Variants in TASP1 observed in about 807,000 individuals in gnomAD.
The protein encoded by TASP1 is taspase 1, also known as threonine aspartase 1.
TASP1 carries 16 observed loss-of-function variants against 56.6 expected under a neutral mutation model. The ratio of observed to expected loss-of-function variants is 0.28; its 90% CI spans 0.19 to 0.43. TASP1 has a LOEUF of 0.43. Ranked by LOEUF, TASP1 falls within the 20% of genes least tolerant of loss-of-function variation. The pLI is 1.00. For synonymous variants in TASP1, 179 were observed against 184.2 expected (o/e 0.97, Z 0.23); for missense variants, 393 against 511.6 (o/e 0.77, Z 2.24).
At chr20:13,558,560 C>A (rs918310045) in intron 8 of TASP1, among the ~76,000 whole-genome samples, 8 of 151,542 alleles carry the variant, frequency 5.3e-5, no homozygotes, top group Non-Finnish European at 8.8e-5. Context: ...TTTAAGTATA[C>A]CTGTAATAAC....
At chr20:13,160,878 A>G in the TASP1 span, among the ~76,000 whole-genome samples, 1 of 152,216 alleles carries the variant, frequency 6.6e-6, no homozygotes, top group African/African-American at 2.4e-5. Flanking sequence ...ATTAGAGTGG[A>G]GAAGATTCAC....
chr20:13,178,752 G>A, the TASP1 span, among the ~76,000 whole-genome samples: 106 of 151,842 alleles, frequency 7.0e-4, 1 homozygote, highest in South Asian at 2.1e-3. Context: ...CCAGAGGCTT[G>A]TAAAGGTAGG....
chr20:13,604,987 C>CATATATATATATATAT (rs3042652), intron 4 of TASP1, among the ~76,000 whole-genome samples: 7 of 140,494 alleles, frequency 5.0e-5, no homozygotes, highest in African/African-American at 1.3e-4. Context: ...AGACATAATA[C>CATATATATATATATAT]ATATATATAT....
the TASP1 span, among the ~76,000 whole-genome samples, chr20:13,186,611 A>T: frequency 1.3e-5 from 2 of 152,208 alleles, no homozygotes; most frequent in South Asian, 4.1e-4. Flanking sequence ...ACCTTATACC[A>T]AGAGAGCTCC....
the TASP1 span, among the ~76,000 whole-genome samples, chr20:13,344,911 C>T: frequency 6.6e-6 from 1 of 152,286 alleles, no homozygotes; most frequent in Middle Eastern, 3.4e-3. Flanking sequence ...GCTTGAAGCA[C>T]ATCGAAGGCC....
At chr20:13,145,038 G>A in the TASP1 span, among the ~76,000 whole-genome samples, 3 of 152,046 alleles carry the variant, frequency 2.0e-5, no homozygotes, top group African/African-American at 7.3e-5. Context: ...GCCTCCCAAA[G>A]TGCTGGGATT....
chr20:13,402,562 T>C (rs2041776954), intron 13 of TASP1, among the ~76,000 whole-genome samples: 1 of 152,230 alleles, frequency 6.6e-6, no homozygotes, highest in Admixed American at 6.5e-5. Flanking sequence ...ATAGGTTTAT[T>C]GGTGGCGCCT....
the TASP1 span, among the ~76,000 whole-genome samples, chr20:13,193,113 C>G: frequency 6.6e-6 from 1 of 151,824 alleles, no homozygotes; most frequent in African/African-American, 2.4e-5. Context: ...AATTAATATG[C>G]TAAGTGGGGA....
chr20:13,261,612 T>C, the TASP1 span, among the ~76,000 whole-genome samples: 1 of 152,130 alleles, frequency 6.6e-6, no homozygotes, highest in African/African-American at 2.4e-5. Context: ...ACCCAGACCT[T>C]GAAACTCCTG....
intron 4 of TASP1, among the ~76,000 whole-genome samples, chr20:13,606,127 G>C (rs2048140319): frequency 1.0e-5 from 1 of 97,434 alleles, no homozygotes; most frequent in Non-Finnish European, 1.9e-5. Context: ...GACTGCATGT[G>C]TGTGCGTGCG....
Position 13,535,226 on chromosome 20 carries a change from G to C in TASP1, c.676-1085C>G, listed in dbSNP as rs117148341. On this transcript the variant is annotated intron_variant, in intron 8 of 13. Coordinates refer to ENST00000337743, the MANE Select transcript of TASP1 (RefSeq NM_017714.3). ...ACACACTAAAGCCATCACCAGAAAAGTCAATGAGCTCCCGGGCCCATCTCA... is the reference window on the plus strand; with the variant it reads ...ACACACTAAAGCCATCACCAGAAAACTCAATGAGCTCCCGGGCCCATCTCA... Among the ~76,000 whole-genome samples the C allele has an allele frequency of 3.2e-3, 493 of 152,272 alleles. 2 individuals carry two copies. The highest frequency in any genetic ancestry group is 0.012 in the East Asian group (60 of 5,180).
At chr20:13,621,251 C>CT (rs2048705102) in intron 4 of TASP1, among the ~76,000 whole-genome samples, 1 of 151,788 alleles carries the variant, frequency 6.6e-6, no homozygotes. Flanking sequence ...TGGTGAAACC[C>CT]TGTCTCTACT....
chr20:13,210,096 A>T, the TASP1 span, among the ~76,000 whole-genome samples: 1 of 152,200 alleles, frequency 6.6e-6, no homozygotes, highest in African/African-American at 2.4e-5. Context: ...ATGATACAGA[A>T]TGTATTGTTT....
At chr20:13,263,868 A>G in the TASP1 span, among the ~76,000 whole-genome samples, 1 of 152,258 alleles carries the variant, frequency 6.6e-6, no homozygotes, top group African/African-American at 2.4e-5. Context: ...AGTGACATTA[A>G]TTATAATCTC....
intron 1 of TASP1, among the ~76,000 whole-genome samples, chr20:13,630,687 C>CA (rs33973259): frequency 0.092 from 5,985 of 64,804 alleles, 258 homozygotes; most frequent in Admixed American, 0.12. Context: ...AGCTCTGTCT[C>CA]AAAAAAAAAA....
chr20:13,435,529 C>A (rs2042971076), intron 11 of TASP1, among the ~76,000 whole-genome samples: 1 of 152,214 alleles, frequency 6.6e-6, no homozygotes, highest in African/African-American at 2.4e-5. Context: ...TCCCTGCTGT[C>A]AGGGACACAC....
At chr20:13,170,668 G>A in the TASP1 span, among the ~76,000 whole-genome samples, 2 of 152,162 alleles carry the variant, frequency 1.3e-5, no homozygotes, top group African/African-American at 4.8e-5. Context: ...ATTGATTGAA[G>A]GGGCTAGTGG....
chr20:13,441,821 T>C (rs1377785950), intron 11 of TASP1, among the ~76,000 whole-genome samples: 1 of 152,140 alleles, frequency 6.6e-6, no homozygotes, highest in East Asian at 1.9e-4. Flanking sequence ...CTGCAATATA[T>C]TCTGCAAGTA....
chr20:13,501,475 G>A (rs981285523), intron 10 of TASP1, among the ~76,000 whole-genome samples: 2 of 151,938 alleles, frequency 1.3e-5, no homozygotes, highest in African/African-American at 4.8e-5. Flanking sequence ...TAAGTTTCTT[G>A]CATTGTCATA....
Sources: allele counts gnomAD v4.1 joint callset (sites outside exome capture counted in the v4.1 genomes callset), GRCh38; gene constraint gnomAD v4.1.1; transcripts MANE v1.5; gene names NCBI Gene and HGNC (gene_info 2026-07-23, HGNC 2026-07-21).